Variants in CNIH3 observed in about 807,000 individuals in gnomAD.
CNIH3 encodes cornichon family AMPA receptor auxiliary protein 3.
CNIH3 carries 14 observed loss-of-function variants against 24.1 expected under a neutral mutation model. The observed-to-expected ratio is 0.58, with a 90% CI of 0.38 to 0.91. CNIH3 has a LOEUF of 0.91. Among genes scored for constraint, CNIH3 ranks in the 40% least tolerant of loss-of-function variants. CNIH3 has a pLI of 0.00. For synonymous variants in CNIH3, 68 were observed against 73.8 expected (o/e 0.92, Z 0.40); for missense variants, 178 against 196.8 (o/e 0.90, Z 0.57).
At chr1:224,732,988 A>G (rs1305187286) in intron 4 of CNIH3, among the ~76,000 whole-genome samples, 1 of 152,168 alleles carries the variant, frequency 6.6e-6, no homozygotes, top group Admixed American at 6.5e-5. Context: ...TTTAAAAACC[A>G]GAGCCCTTGT....
intron 1 of CNIH3, among the ~76,000 whole-genome samples, chr1:224,437,935 CAG>C (rs1462225098): frequency 1.4e-5 from 2 of 141,980 alleles, no homozygotes; most frequent in South Asian, 2.2e-4. Context: ...TTTTTGGAGA[CAG>C]AGTTTCGCTC....
chr1:224,692,837 C>T (rs186272048), intron 3 of CNIH3, among the ~76,000 whole-genome samples: 73 of 152,264 alleles, frequency 4.8e-4, no homozygotes, highest in Non-Finnish European at 7.9e-4. Context: ...TGCTTCTTTT[C>T]GAAACATGCT....
In CNIH3 at chr1:224,564,700, C is replaced by T. The variant is rs553498804; in HGVS notation, n.451-1499C>T. Among the ~76,000 whole-genome samples, 51 of 152,368 alleles carry T rather than the reference C, an allele frequency of 3.3e-4. 1 individual carries two copies. The highest frequency in any genetic ancestry group is 1.7e-3 in the South Asian group (8 of 4,828). On this transcript the variant is annotated intron_variant and non_coding_transcript_variant, in intron 3 of 5. Transcript: ENST00000471578. ...GGCATGTGTGAGCCTCAGGCCCTTC[C>T]TTCTGAGCAGCAGATGGCAGAGCCA... is the stretch of plus-strand genomic sequence containing the variant.
intron 3 of CNIH3, among the ~76,000 whole-genome samples, chr1:224,723,676 T>G (rs990019328): frequency 2.6e-5 from 4 of 152,234 alleles, no homozygotes; most frequent in Admixed American, 2.6e-4. Flanking sequence ...CTAACTTATT[T>G]TCCTTCGTGT....
intron 1 of CNIH3, among the ~76,000 whole-genome samples, chr1:224,642,449 C>T (rs550834754): frequency 5.9e-5 from 9 of 152,248 alleles, no homozygotes; most frequent in African/African-American, 1.7e-4. Flanking sequence ...AGGCTGTTCT[C>T]GAACTCCTGG....
chr1:224,689,723 A>G (rs1686839059), intron 3 of CNIH3, among the ~76,000 whole-genome samples: 1 of 152,216 alleles, frequency 6.6e-6, no homozygotes, highest in African/African-American at 2.4e-5. Context: ...CCACCTCCTC[A>G]GCTTTCTTGG....
At chr1:224,574,644 G>A in intron 4 of CNIH3, 1 of 911,818 alleles carries the variant, frequency 1.1e-6, no homozygotes, top group Non-Finnish European at 1.8e-6. Context: ...GGTGAAGTGT[G>A]AGGAGCTCTT....
intron 1 of CNIH3, among the ~76,000 whole-genome samples, chr1:224,465,385 C>A (rs4341336): frequency 0.99 from 151,173 of 152,370 alleles, 74,999 homozygotes; most frequent in Middle Eastern, 1. Flanking sequence ...CTAGGATTAC[C>A]GGTGTGACCC....
At chr1:224,651,616 G>A (rs1263844602) in intron 1 of CNIH3, among the ~76,000 whole-genome samples, 2 of 152,130 alleles carry the variant, frequency 1.3e-5, no homozygotes, top group African/African-American at 4.8e-5. Context: ...TTGCATCTCT[G>A]CATCTTGCTT....
intron 3 of CNIH3, among the ~76,000 whole-genome samples, chr1:224,729,647 A>C (rs1230432516): frequency 6.6e-6 from 1 of 151,930 alleles, no homozygotes; most frequent in African/African-American, 2.4e-5. Context: ...CTAGGTGCCA[A>C]ATTTCTTCCT....
At chr1:224,570,374 T>G (rs1315998723) in intron 4 of CNIH3, among the ~76,000 whole-genome samples, 1 of 152,168 alleles carries the variant, frequency 6.6e-6, no homozygotes, top group African/African-American at 2.4e-5. Context: ...TGTGTCCACA[T>G]GTACCCAGTG....
chr1:224,631,941 T>G (rs1315112830), intron 1 of CNIH3, among the ~76,000 whole-genome samples: 1 of 152,168 alleles, frequency 6.6e-6, no homozygotes, highest in African/African-American at 2.4e-5. Flanking sequence ...CATTTGTATC[T>G]TGGATTAAAA....
downstream of CNIH3, among the ~76,000 whole-genome samples, chr1:224,589,292 C>CT (rs1272091550): frequency 4.6e-5 from 7 of 152,260 alleles, no homozygotes; most frequent in Admixed American, 1.3e-4. Flanking sequence ...CTCACTGTGA[C>CT]TATGAGGCAC....
intron 2 of CNIH3, among the ~76,000 whole-genome samples, chr1:224,536,352 C>A (rs1367562842): frequency 7.6e-6 from 1 of 131,180 alleles, no homozygotes; most frequent in Non-Finnish European, 1.5e-5. Flanking sequence ...AGTACAATGG[C>A]GTGATCTCAG....
chr1:224,452,588 T>C (rs540601918), intron 1 of CNIH3, among the ~76,000 whole-genome samples: 13 of 149,510 alleles, frequency 8.7e-5, no homozygotes, highest in Admixed American at 2.7e-4. Flanking sequence ...GAGACCATCC[T>C]GGCTAACACG....
chr1:224,560,638 A>T (rs1275458867), intron 3 of CNIH3, among the ~76,000 whole-genome samples: 1 of 151,846 alleles, frequency 6.6e-6, no homozygotes, highest in Non-Finnish European at 1.5e-5. Flanking sequence ...CATGCTCCTT[A>T]TGAAAATCTA....
At chr1:224,670,585 C>T (rs1685815519) in intron 1 of CNIH3, among the ~76,000 whole-genome samples, 1 of 152,214 alleles carries the variant, frequency 6.6e-6, no homozygotes. Context: ...CTCTTCTTCT[C>T]TGGTCCTGAG....
At chr1:224,702,441 A>G (rs191816243) in intron 3 of CNIH3, among the ~76,000 whole-genome samples, 42 of 152,324 alleles carry the variant, frequency 2.8e-4, no homozygotes, top group Non-Finnish European at 1.5e-5. Flanking sequence ...GTCAAAGCAG[A>G]TGTATTCCCA....
At chr1:224,531,677 A>G (rs529650617) in intron 2 of CNIH3, among the ~76,000 whole-genome samples, 13 of 152,356 alleles carry the variant, frequency 8.5e-5, no homozygotes, top group African/African-American at 2.6e-4. Flanking sequence ...GGGGTGTGAC[A>G]TGATTGGATT....
Sources: gnomAD v4.1 joint callset for allele counts (sites outside exome capture counted in the v4.1 genomes callset) on GRCh38, gnomAD v4.1.1 for gene constraint, MANE v1.5 for transcripts, NCBI Gene and HGNC (gene_info 2026-07-23, HGNC 2026-07-21) for gene names.